TLN2: variants seen among roughly 807,000 people sequenced by gnomAD.
TLN2 encodes talin 2, also known as talin-2.
In TLN2, 118 loss-of-function variants were observed where a neutral mutation model predicts 294.7. The ratio of observed to expected loss-of-function variants is 0.40; its 90% CI spans 0.34 to 0.47. The LOEUF is 0.47. Among genes scored for constraint, TLN2 ranks in the 20% least tolerant of loss-of-function variants. The pLI is 0.84. For synonymous variants in TLN2, 1,431 were observed against 1,304.5 expected (o/e 1.10, Z -2.09); for missense variants, 3,083 against 3,282.2 (o/e 0.94, Z 1.48).
At chr15:62,670,677 T>C (rs2055291233) in intron 9 of TLN2, among the ~76,000 whole-genome samples, 1 of 152,222 alleles carries the variant, frequency 6.6e-6, no homozygotes, top group African/African-American at 2.4e-5. Context: ...GATGTTCCAT[T>C]GTATGGAGAA....
At chr15:62,489,381 A>G (rs1297129882) in intron 1 of TLN2, among the ~76,000 whole-genome samples, 1 of 152,182 alleles carries the variant, frequency 6.6e-6, no homozygotes, top group Non-Finnish European at 1.5e-5. Flanking sequence ...ATAATTAAAC[A>G]ATTTATCTCA....
intron 1 of TLN2, among the ~76,000 whole-genome samples, chr15:62,441,783 G>A (rs762794259): frequency 3.5e-4 from 53 of 152,184 alleles, no homozygotes; most frequent in African/African-American, 1.2e-3. Context: ...GATGTGATCA[G>A]TCATGCCTAT....
At position 62,701,250 on chromosome 15, in the gene TLN2, T is replaced by G. The variant is rs1485908650; in HGVS notation, c.1696+36T>G. On this transcript the variant is annotated intron_variant, in intron 17 of 58. Coordinates refer to ENST00000636159, the MANE Select transcript of TLN2 (RefSeq NM_015059.3). ...GAGAGATTTGTGCTGCATTGGGGTT[T>G]TGTTTAAAAGCTGTGTTTTTTTTTT... 4 of 1,525,628 alleles carry G rather than the reference T, an allele frequency of 2.6e-6. 1 individual carries two copies. Among genetic ancestry groups the G allele is most frequent in the East Asian group, 4.5e-5 (2 of 44,486 alleles). 94.5% of individuals were successfully genotyped at this position (1,525,628 alleles called of 1,614,324 possible). A position where few individuals can be genotyped will look rare whatever the true frequency, so the allele number is the denominator to read the frequency against.
chr15:62,462,707 G>A (rs1199428044), intron 1 of TLN2, among the ~76,000 whole-genome samples: 2 of 152,196 alleles, frequency 1.3e-5, no homozygotes, highest in Non-Finnish European at 2.9e-5. Context: ...TGTGGCTCTT[G>A]CCAGCTGGGC....
At chr15:62,689,682 A>G (rs909024444) in intron 12 of TLN2, among the ~76,000 whole-genome samples, 7 of 151,390 alleles carry the variant, frequency 4.6e-5, no homozygotes, top group African/African-American at 1.7e-4. Context: ...CCTTTCTTTT[A>G]GTATCTGAAA....
At chr15:62,679,717 G>C (rs2056623872) in intron 11 of TLN2, among the ~76,000 whole-genome samples, 1 of 152,178 alleles carries the variant, frequency 6.6e-6, no homozygotes, top group African/African-American at 2.4e-5. Context: ...AATACAGAAA[G>C]GTCGTATGTG....
At chr15:62,402,947 G>A (rs1263250723) in intron 1 of TLN2, among the ~76,000 whole-genome samples, 7 of 152,002 alleles carry the variant, frequency 4.6e-5, no homozygotes, top group Admixed American at 1.3e-4. Flanking sequence ...TCATCTAAAG[G>A]AAAAAAACAG....
chr15:62,454,439 G>A (rs1293871726), intron 1 of TLN2, among the ~76,000 whole-genome samples: 1 of 152,168 alleles, frequency 6.6e-6, no homozygotes, highest in Non-Finnish European at 1.5e-5. Flanking sequence ...GGATGAATGG[G>A]ACCTGAGAGC....
At chr15:62,725,822 T>C (rs779705545) in intron 27 of TLN2, among the ~76,000 whole-genome samples, 15 of 152,172 alleles carry the variant, frequency 9.9e-5, no homozygotes, top group Non-Finnish European at 1.5e-4. Context: ...CGGTTTGAAT[T>C]CAGATTTGCA....
rs376512331 is a variant in TLN2 at position 62,480,269 on chromosome 15, A to G, written c.-238+89584A>G. Among the ~76,000 whole-genome samples the G allele has an allele frequency of 2.0e-4, 30 of 152,342 alleles. No homozygotes were observed. In the South Asian group the frequency reaches 6.0e-3, roughly 30 times the overall value. On this transcript the variant is annotated intron_variant, in intron 1 of 58. Coordinates refer to ENST00000636159, the MANE Select transcript of TLN2 (RefSeq NM_015059.3). ...CACTCTGTCGCCCAGGCTGGAGTGC[A>G]GCGGCGCGATCTCAGCTCACTGCGA...
chr15:62,498,658 G>A (rs2039144707), intron 1 of TLN2, among the ~76,000 whole-genome samples: 1 of 152,164 alleles, frequency 6.6e-6, no homozygotes, highest in Admixed American at 6.5e-5. Flanking sequence ...TCACAGGAAA[G>A]TGAGGTACAT....
intron 2 of TLN2, among the ~76,000 whole-genome samples, chr15:62,601,891 A>G (rs2047042571): frequency 6.6e-6 from 1 of 152,180 alleles, no homozygotes. Context: ...AGATTGTCCC[A>G]TATTTGGCCA....
At chr15:62,724,699 C>CT (rs1316406230) in intron 26 of TLN2, among the ~76,000 whole-genome samples, 1 of 152,138 alleles carries the variant, frequency 6.6e-6, no homozygotes, top group Non-Finnish European at 1.5e-5. Context: ...TCCACTGAGT[C>CT]TAAGAGGCAA....
chr15:62,818,739 G>A (rs2067311960), intron 52 of TLN2, among the ~76,000 whole-genome samples: 1 of 152,070 alleles, frequency 6.6e-6, no homozygotes, highest in Admixed American at 6.6e-5. Flanking sequence ...TTGTCTCAAG[G>A]ACTTGAGTGG....
At chr15:62,510,239 A>G (rs1309307103) in intron 1 of TLN2, among the ~76,000 whole-genome samples, 1 of 152,254 alleles carries the variant, frequency 6.6e-6, no homozygotes, top group Admixed American at 6.5e-5. Context: ...CCACCAGAGC[A>G]TGCCATTTTC....
In TLN2 at chr15:62,503,767, C is replaced by T. The variant is rs76213042; in HGVS notation, c.-237-85920C>T. ...CATCTTTATTGGTTTCTTCTCATTCCTCTCCGTTCTGTGAGCTTGTCAGAG... is the reference window on the plus strand; with the variant it reads ...CATCTTTATTGGTTTCTTCTCATTCTTCTCCGTTCTGTGAGCTTGTCAGAG... On this transcript the variant is annotated intron_variant, in intron 1 of 58. Transcript: ENST00000636159. Among the ~76,000 whole-genome samples the T allele has an allele frequency of 7.2e-3, 1,104 of 152,296 alleles. 12 individuals carry two copies. Among genetic ancestry groups the T allele is most frequent in the African/African-American group, 0.024 (1,011 of 41,556 alleles).
chr15:62,683,994 G>T lies in TLN2; in HGVS notation c.958-2647G>T, dbSNP rs552727361. The T allele has an allele frequency of 2.0e-5, 3 of 152,430 alleles. No homozygotes were observed. In the South Asian group the frequency reaches 6.2e-4, roughly 32 times the overall value. 9.4% of individuals were successfully genotyped at this position (152,430 alleles called of 1,614,324 possible). A position where few individuals can be genotyped will look rare whatever the true frequency, so the allele number is the denominator to read the frequency against. On this transcript the variant is annotated intron_variant, in intron 11 of 58. Coordinates refer to ENST00000636159, the MANE Select transcript of TLN2 (RefSeq NM_015059.3). ...TTTGCTACTTTACCTTTCTCCAGCT[G>T]CTCTGCGTTTTGTGTGTAGGTGCTG...
At chr15:62,631,531 CCT>C (rs1417766750) in intron 3 of TLN2, among the ~76,000 whole-genome samples, 25 of 66,866 alleles carry the variant, frequency 3.7e-4, no homozygotes, top group Non-Finnish European at 6.3e-4. Context: ...CCTTTCCTTT[CCT>C]TTCCTTTCCT....
intron 1 of TLN2, among the ~76,000 whole-genome samples, chr15:62,518,431 C>T (rs963907711): frequency 6.6e-6 from 1 of 152,140 alleles, no homozygotes; most frequent in African/African-American, 2.4e-5. Context: ...GACATGGGTT[C>T]AGATTTCAGC....
Sources: allele counts gnomAD v4.1 joint callset (sites outside exome capture counted in the v4.1 genomes callset), GRCh38; gene constraint gnomAD v4.1.1; transcripts MANE v1.5; gene names NCBI Gene and HGNC (gene_info 2026-07-23, HGNC 2026-07-21).